Variants in C3orf49 observed in about 807,000 individuals in gnomAD.
The protein encoded by C3orf49 is putative uncharacterized protein C3orf49.
C3orf49 carries 27 observed loss-of-function variants against 13.3 expected under a neutral mutation model. The observed-to-expected ratio is 2.02, with a 90% CI of 1.49 to 2.79. C3orf49 has a LOEUF of 2.79. Among genes scored for constraint, C3orf49 ranks in the 30% most tolerant of loss-of-function variants. The probability of loss-of-function intolerance (pLI) is 0.00; values close to 1 mark genes in which losing one functional copy is unlikely to be tolerated. For missense variants in C3orf49, 242 were observed against 134.2 expected, an observed-to-expected ratio of 1.80 and a Z score of -3.97; for synonymous variants, 87 against 47.6, an observed-to-expected ratio of 1.83 and a Z score of -3.40.
rs551878613 is a variant in C3orf49, at chr3:63,839,519, C to G, written c.850-5504C>G. The G allele has an allele frequency of 3.9e-6, 3 of 760,414 alleles. No homozygotes were observed. The South Asian group carries it at 4.7e-5, about 12-fold the overall frequency. The allele number at this position is 760,414 out of a possible 1,614,324, so 47.1% of individuals were successfully genotyped here. ...GAAGAGAAGAAAAGGCCAAGAAAAT[C>G]TACTCTTGGTTAATTAAGAGTTGAC... On this transcript the variant is annotated intron_variant, in intron 5 of 6. Transcript: ENST00000295896.
At chr3:63,829,826 A>T (rs189203231) in intron 3 of C3orf49, among the ~76,000 whole-genome samples, 1 of 152,182 alleles carries the variant, frequency 6.6e-6, no homozygotes, top group African/African-American at 2.4e-5. Flanking sequence ...TTAGCTGGGC[A>T]TGGTGGTACA....
At chr3:63,799,390 C>G in the C3orf49 span, among the ~76,000 whole-genome samples, 1 of 152,004 alleles carries the variant, frequency 6.6e-6, no homozygotes. Flanking sequence ...ATTCAAGTTG[C>G]CTGGAGCAAG....
intron 2 of C3orf49, among the ~76,000 whole-genome samples, chr3:63,823,869 C>T (rs1469920724): frequency 1.3e-5 from 2 of 151,466 alleles, no homozygotes; most frequent in South Asian, 2.1e-4. Flanking sequence ...GGCATGATCT[C>T]GGCTCACTGC....
chr3:63,808,296 T>C, the C3orf49 span, among the ~76,000 whole-genome samples: 2 of 152,228 alleles, frequency 1.3e-5, no homozygotes. Flanking sequence ...ATTCATTATG[T>C]TTTATTAGAC....
intron 6 of C3orf49, among the ~76,000 whole-genome samples, chr3:63,847,509 G>A (rs1444695428): frequency 5.9e-5 from 9 of 152,290 alleles, no homozygotes; most frequent in African/African-American, 1.9e-4. Flanking sequence ...AGGCAGAGGC[G>A]AGCGGATCAC....
chr3:63,822,120 C>T (rs1468171576), intron 1 of C3orf49, among the ~76,000 whole-genome samples: 11 of 152,240 alleles, frequency 7.2e-5, no homozygotes, highest in East Asian at 3.9e-4. Flanking sequence ...GGACTACAGG[C>T]GCCCGCCACC....
chr3:63,826,288 A>G (rs951161287), intron 2 of C3orf49, among the ~76,000 whole-genome samples: 3 of 152,104 alleles, frequency 2.0e-5, no homozygotes, highest in Non-Finnish European at 4.4e-5. Context: ...GGATGAGGGT[A>G]AGCGCAAATG....
At chr3:63,796,646 T>C in the C3orf49 span, among the ~76,000 whole-genome samples, 2 of 152,194 alleles carry the variant, frequency 1.3e-5, no homozygotes, top group Non-Finnish European at 2.9e-5. Context: ...ACTTTATAGA[T>C]AGTGTGGGTA....
At chr3:63,797,602 C>T in the C3orf49 span, among the ~76,000 whole-genome samples, 1 of 152,166 alleles carries the variant, frequency 6.6e-6, no homozygotes, top group East Asian at 1.9e-4. Context: ...CCAAGTATAT[C>T]TTCCTACCAG....
chr3:63,843,482 T>A (rs1042546534), intron 5 of C3orf49, among the ~76,000 whole-genome samples: 13 of 152,324 alleles, frequency 8.5e-5, no homozygotes, highest in Non-Finnish European at 1.6e-4. Flanking sequence ...CTACTGGTTA[T>A]GTGTCCAAAG....
chr3:63,826,579 C>T (rs1701466633), intron 2 of C3orf49, among the ~76,000 whole-genome samples: 2 of 152,036 alleles, frequency 1.3e-5, no homozygotes, highest in Admixed American at 6.6e-5. Flanking sequence ...GACATAAGGT[C>T]CCTGCCAAAT....
At chr3:63,779,793 A>T in the C3orf49 span, 15 of 152,310 alleles carry the variant, frequency 9.8e-5, no homozygotes, top group African/African-American at 3.4e-4. Context: ...ATACGGTAGG[A>T]TATATAATTT....
At chr3:63,793,173 A>G in the C3orf49 span, among the ~76,000 whole-genome samples, 1 of 152,148 alleles carries the variant, frequency 6.6e-6, no homozygotes. Flanking sequence ...CAATGACTAT[A>G]TCAACTGTTT....
the C3orf49 span, chr3:63,779,763 C>G: frequency 6.6e-6 from 1 of 152,132 alleles, no homozygotes; most frequent in Admixed American, 6.5e-5. Flanking sequence ...ATATAAAGAT[C>G]AACAGAAGAC....
chr3:63,831,072 T>TA, intron 3 of C3orf49, 38 bp from the exon 4 acceptor site: 1 of 685,754 alleles, frequency 1.5e-6, no homozygotes, highest in Middle Eastern at 2.4e-4. Context: ...ATAATGTTGG[T>TA]AGTTCCTAAT....
chr3:63,800,420 C>T, the C3orf49 span, among the ~76,000 whole-genome samples: 11 of 152,076 alleles, frequency 7.2e-5, no homozygotes, highest in East Asian at 1.9e-3. Context: ...AAACTTAAGG[C>T]ATTGCGCTTG....
the C3orf49 span, among the ~76,000 whole-genome samples, chr3:63,799,185 T>C: frequency 6.6e-6 from 1 of 152,166 alleles, no homozygotes; most frequent in Non-Finnish European, 1.5e-5. Context: ...CGTGGTTGAA[T>C]TGCATGTTAC....
the C3orf49 span, among the ~76,000 whole-genome samples, chr3:63,786,431 A>C: frequency 6.6e-6 from 1 of 152,198 alleles, no homozygotes; most frequent in Non-Finnish European, 1.5e-5. Context: ...GCTAAAATTA[A>C]ATAAAAAGGA....
At chr3:63,810,417 G>A in the C3orf49 span, among the ~76,000 whole-genome samples, 1 of 152,140 alleles carries the variant, frequency 6.6e-6, no homozygotes, top group Non-Finnish European at 1.5e-5. Context: ...TCCATAGTAG[G>A]CACTTAATAG....
Sources: allele counts gnomAD v4.1 joint callset (sites outside exome capture counted in the v4.1 genomes callset), GRCh38; gene constraint gnomAD v4.1.1; transcripts MANE v1.5; gene names NCBI Gene and HGNC (gene_info 2026-07-23, HGNC 2026-07-21).